KSR2: variants seen among roughly 807,000 people sequenced by gnomAD.
The protein encoded by KSR2 is kinase suppressor of ras 2.
Under a neutral mutation model 107.8 loss-of-function variants are expected in KSR2, and 25 were observed. The observed-to-expected ratio is 0.23, with a 90% CI of 0.17 to 0.32. The LOEUF (loss-of-function observed/expected upper bound fraction) is 0.32. KSR2 is among the 10% of genes least tolerant of loss of function. The pLI, the probability that KSR2 is intolerant of heterozygous loss-of-function variation, is 1.00. For missense variants in KSR2, 887 were observed against 1,268.9 expected (o/e 0.70, Z 4.57); for synonymous variants, 480 against 507.0 (o/e 0.95, Z 0.71).
intron 5 of KSR2, among the ~76,000 whole-genome samples, chr12:117,613,030 A>G (rs1280957549): frequency 6.6e-6 from 1 of 152,216 alleles, no homozygotes; most frequent in Non-Finnish European, 1.5e-5. Flanking sequence ...TTTAGAAATT[A>G]CCCAGTCTCT....
At chr12:117,817,922 A>G (rs1385491229) in intron 3 of KSR2, among the ~76,000 whole-genome samples, 1 of 151,944 alleles carries the variant, frequency 6.6e-6, no homozygotes, top group Non-Finnish European at 1.5e-5. Flanking sequence ...CCAACACAGT[A>G]AAACCCCGTC....
chr12:117,687,540 G>A (rs998400497), intron 4 of KSR2, among the ~76,000 whole-genome samples: 11 of 152,124 alleles, frequency 7.2e-5, no homozygotes, highest in Admixed American at 2.0e-4. Context: ...GTCACTTAAC[G>A]TGTTCATCTA....
intron 4 of KSR2, among the ~76,000 whole-genome samples, chr12:117,692,837 A>G (rs1885888677): frequency 6.6e-6 from 1 of 152,190 alleles, no homozygotes; most frequent in Non-Finnish European, 1.5e-5. Flanking sequence ...GAAATGTCTA[A>G]AACAGGCAAA....
chr12:117,528,530 G>A (rs1257797290), intron 12 of KSR2, among the ~76,000 whole-genome samples: 1 of 152,116 alleles, frequency 6.6e-6, no homozygotes, highest in African/African-American at 2.4e-5. Flanking sequence ...CAATCCACTT[G>A]CTGGAGGGGG....
chr12:117,817,513 C>G (rs1052365917), intron 3 of KSR2, among the ~76,000 whole-genome samples: 2 of 152,174 alleles, frequency 1.3e-5, no homozygotes, highest in Non-Finnish European at 2.9e-5. Context: ...CGGCTGGTAA[C>G]AAGTTACCTT....
intron 4 of KSR2, among the ~76,000 whole-genome samples, chr12:117,671,978 G>A (rs550415965): frequency 1.2e-4 from 19 of 152,344 alleles, no homozygotes; most frequent in Admixed American, 9.8e-4. Flanking sequence ...CCTGCTGCTC[G>A]CTGGCTTGAG....
intron 3 of KSR2, among the ~76,000 whole-genome samples, chr12:117,797,068 G>T (rs1396427926): frequency 6.6e-6 from 1 of 152,170 alleles, no homozygotes; most frequent in Non-Finnish European, 1.5e-5. Flanking sequence ...ATCACACAAA[G>T]ACTGGGTTAG....
intron 1 of KSR2, among the ~76,000 whole-genome samples, chr12:117,866,023 C>A (rs1488071439): frequency 1.3e-5 from 2 of 148,306 alleles, no homozygotes; most frequent in African/African-American, 5.0e-5. Context: ...CTCTGTAACA[C>A]TTGCTAATCT....
At chr12:117,775,517 C>T (rs1240182629) in intron 3 of KSR2, among the ~76,000 whole-genome samples, 1 of 152,212 alleles carries the variant, frequency 6.6e-6, no homozygotes, top group Admixed American at 6.5e-5. Flanking sequence ...GAAATTACAG[C>T]TCTGGAAAAG....
intron 9 of KSR2, among the ~76,000 whole-genome samples, chr12:117,552,760 T>C (rs565594439): frequency 2.0e-5 from 3 of 152,350 alleles, no homozygotes; most frequent in African/African-American, 4.8e-5. Context: ...TCTGACATCA[T>C]AGCACAAAAG....
intron 1 of KSR2, among the ~76,000 whole-genome samples, chr12:117,966,623 G>GCACA (rs71099095): frequency 0.24 from 33,980 of 142,912 alleles, 4,418 homozygotes; most frequent in South Asian, 0.37. Context: ...ACACGCGCAC[G>GCACA]CACACACACA....
chr12:117,926,121 C>A (rs1895509995), intron 1 of KSR2, among the ~76,000 whole-genome samples: 1 of 152,104 alleles, frequency 6.6e-6, no homozygotes, highest in Non-Finnish European at 1.5e-5. Flanking sequence ...CACTTGAACC[C>A]AGGAGGCGGA....
At chr12:117,913,869 C>A (rs972806036) in intron 1 of KSR2, among the ~76,000 whole-genome samples, 1 of 152,164 alleles carries the variant, frequency 6.6e-6, no homozygotes, top group Non-Finnish European at 1.5e-5. Context: ...GTCTCGGGAC[C>A]CGCCGGATGA....
At chr12:117,613,655 A>G (rs1180294643) in intron 5 of KSR2, among the ~76,000 whole-genome samples, 1 of 152,206 alleles carries the variant, frequency 6.6e-6, no homozygotes, top group Non-Finnish European at 1.5e-5. Flanking sequence ...GGATGTAAAA[A>G]GCAGTTGGGC....
At chr12:117,601,841 C>T (rs2136292812) in intron 5 of KSR2, among the ~76,000 whole-genome samples, 1 of 152,336 alleles carries the variant, frequency 6.6e-6, no homozygotes, top group East Asian at 1.9e-4. Context: ...GCCTGCCAAC[C>T]TTCCAGTCTC....
intron 4 of KSR2, among the ~76,000 whole-genome samples, chr12:117,709,505 G>T (rs1189418003): frequency 3.3e-5 from 5 of 151,950 alleles, no homozygotes; most frequent in Non-Finnish European, 7.4e-5. Context: ...TTTACTTTTT[G>T]CAGAGACAGG....
At chr12:117,614,085 G>A (rs1025881083) in intron 5 of KSR2, among the ~76,000 whole-genome samples, 15 of 152,144 alleles carry the variant, frequency 9.9e-5, no homozygotes, top group Admixed American at 8.5e-4. Context: ...ATTACATGTT[G>A]TTAATGCCAT....
intron 4 of KSR2, among the ~76,000 whole-genome samples, chr12:117,686,636 G>GTTC (rs1473633335): frequency 6.6e-6 from 1 of 152,096 alleles, no homozygotes; most frequent in East Asian, 1.9e-4. Context: ...CAGAGTCAGT[G>GTTC]TTCTAAGCAA....
At chr12:117,776,280 A>C (rs1385133266) in intron 3 of KSR2, among the ~76,000 whole-genome samples, 1 of 152,164 alleles carries the variant, frequency 6.6e-6, no homozygotes, top group Non-Finnish European at 1.5e-5. Flanking sequence ...GAATGAAGAG[A>C]ATGATTATCA....
Sources: allele counts gnomAD v4.1 joint callset (sites outside exome capture counted in the v4.1 genomes callset), GRCh38; gene constraint gnomAD v4.1.1; transcripts MANE v1.5; gene names NCBI Gene and HGNC (gene_info 2026-07-23, HGNC 2026-07-21).